Variants in CTNNA2 observed in about 807,000 individuals in gnomAD.
CTNNA2 encodes catenin alpha-2.
In CTNNA2, 42 loss-of-function variants were observed where a neutral mutation model predicts 101.0. The ratio of observed to expected loss-of-function variants is 0.42; its 90% CI spans 0.32 to 0.54. CTNNA2 has a LOEUF of 0.54. CTNNA2 is among the 20% of genes least tolerant of loss of function. The pLI is 0.14. For missense variants in CTNNA2, 871 were observed against 1,223.1 expected (o/e 0.71, Z 4.29); for synonymous variants, 450 against 456.4 (o/e 0.99, Z 0.18).
chr2:80,227,091 C>T (rs893618653), intron 7 of CTNNA2, among the ~76,000 whole-genome samples: 7 of 152,116 alleles, frequency 4.6e-5, no homozygotes, highest in Admixed American at 6.6e-5. Context: ...TAGGATGATA[C>T]GGAGTATTTG....
intron 7 of CTNNA2, among the ~76,000 whole-genome samples, chr2:80,250,202 AGAGTGTGTGTGTGTGT>A (rs1376206091): frequency 1.4e-5 from 2 of 142,190 alleles, no homozygotes; most frequent in Non-Finnish European, 3.0e-5. Flanking sequence ...AGAGAGAGAG[AGAGTGTGTGTGTGTGT>A]GTGTGTGTGT....
intron 1 of CTNNA2, among the ~76,000 whole-genome samples, chr2:79,539,126 G>C (rs1673250064): frequency 6.6e-6 from 1 of 152,274 alleles, no homozygotes; most frequent in African/African-American, 2.4e-5. Context: ...ACAGAGACCT[G>C]GGAGTCCAAG....
intron 3 of CTNNA2, among the ~76,000 whole-genome samples, chr2:79,841,265 C>CT: frequency 6.6e-6 from 1 of 152,224 alleles, no homozygotes; most frequent in Admixed American, 6.5e-5. Flanking sequence ...CTGAGTCCTA[C>CT]TTTTTTATTG....
intron 3 of CTNNA2, among the ~76,000 whole-genome samples, chr2:79,321,975 A>G (rs1676635150): frequency 6.6e-6 from 1 of 152,216 alleles, no homozygotes; most frequent in Non-Finnish European, 1.5e-5. Flanking sequence ...CTATGCCACT[A>G]CTGAGCATTT....
At chr2:79,621,235 A>G (rs1231352312) in intron 1 of CTNNA2, among the ~76,000 whole-genome samples, 3 of 152,172 alleles carry the variant, frequency 2.0e-5, no homozygotes, top group Non-Finnish European at 4.4e-5. Context: ...GTGCTCCCTT[A>G]GCTGAGAGGA....
At chr2:80,375,831 G>A (rs1223598022) in intron 7 of CTNNA2, among the ~76,000 whole-genome samples, 5 of 150,966 alleles carry the variant, frequency 3.3e-5, no homozygotes. Context: ...CCAAAGTGCT[G>A]GGATTACAGG....
At chr2:80,115,199 A>G (rs919535472) in intron 7 of CTNNA2, among the ~76,000 whole-genome samples, 1 of 152,162 alleles carries the variant, frequency 6.6e-6, no homozygotes, top group Non-Finnish European at 1.5e-5. Context: ...TACTGTTTCT[A>G]TTTCCATCAA....
chr2:79,252,583 AG>A (rs1433955669), intron 2 of CTNNA2, among the ~76,000 whole-genome samples: 1 of 151,892 alleles, frequency 6.6e-6, no homozygotes, highest in Non-Finnish European at 1.5e-5. Flanking sequence ...GAGTAATTCG[AG>A]CTTCATTTGT....
chr2:79,393,389 A>G (rs1328798864), intron 4 of CTNNA2, among the ~76,000 whole-genome samples: 1 of 152,186 alleles, frequency 6.6e-6, no homozygotes. Flanking sequence ...CTGCTTTTAT[A>G]CATAAAGTAT....
chr2:79,629,922 C>T (rs1051297283), intron 1 of CTNNA2, among the ~76,000 whole-genome samples: 1 of 152,126 alleles, frequency 6.6e-6, no homozygotes, highest in African/African-American at 2.4e-5. Context: ...TGCAAACCAA[C>T]AAATCCAAAG....
chr2:79,895,631 C>G (rs1320521494), intron 6 of CTNNA2, among the ~76,000 whole-genome samples: 2 of 151,172 alleles, frequency 1.3e-5, no homozygotes, highest in Admixed American at 1.3e-4. Context: ...AAAATTCAAC[C>G]ATTGATCATC....
chr2:79,676,645 G>T (rs747174179), intron 2 of CTNNA2, among the ~76,000 whole-genome samples: 17 of 152,028 alleles, frequency 1.1e-4, no homozygotes, highest in Admixed American at 3.3e-4. Context: ...ACTAGTGGAT[G>T]GCACAAGCAG....
Position 79,814,608 on chromosome 2 carries a change from T to TACACACACACACACAC in CTNNA2, c.299-43389_299-43374dup, listed in dbSNP as rs146240455. Among the ~76,000 whole-genome samples, 328 of 145,176 alleles carry TACACACACACACACAC rather than the reference T, an allele frequency of 2.3e-3. 1 individual carries two copies. The highest frequency in any genetic ancestry group is 8.3e-3 in the African/African-American group (316 of 38,014). On this transcript the variant is annotated intron_variant, in intron 3 of 18. Transcript: ENST00000402739. ...TAGTATTCCATTATATATGTGTGTATACACACACACACACACACACACACA... is the reference window on the plus strand; with the variant it reads ...TAGTATTCCATTATATATGTGTGTATACACACACACACACACACACACACACACACACACACACACA...
intron 7 of CTNNA2, chr2:80,313,607 G>GA (rs1295992907): frequency 1.2e-6 from 2 of 1,611,252 alleles, no homozygotes; most frequent in Admixed American, 1.7e-5. Context: ...CAAAGTCTGT[G>GA]AAAAAAATAT....
intron 7 of CTNNA2, among the ~76,000 whole-genome samples, chr2:80,091,479 G>T (rs1042457868): frequency 4.6e-5 from 7 of 152,116 alleles, no homozygotes; most frequent in African/African-American, 1.4e-4. Context: ...ACAGAGAAAG[G>T]TTGTAAAAAC....
At chr2:79,425,899 G>A (rs1378569086) in intron 4 of CTNNA2, among the ~76,000 whole-genome samples, 2 of 152,028 alleles carry the variant, frequency 1.3e-5, no homozygotes, top group African/African-American at 2.4e-5. Context: ...TAATCAAAAG[G>A]GTAGGTTTCT....
At chr2:80,007,030 T>C (rs1478467687) in intron 7 of CTNNA2, among the ~76,000 whole-genome samples, 2 of 152,206 alleles carry the variant, frequency 1.3e-5, no homozygotes, top group Admixed American at 1.3e-4. Context: ...ATCTGGTACT[T>C]TGTAATTCTC....
chr2:79,804,816 G>C (rs1272281934), intron 3 of CTNNA2, among the ~76,000 whole-genome samples: 1 of 152,142 alleles, frequency 6.6e-6, no homozygotes, highest in Non-Finnish European at 1.5e-5. Context: ...TTAATGGATG[G>C]CATAGAGAGA....
chr2:79,672,368 C>A (rs1682897771), intron 2 of CTNNA2, among the ~76,000 whole-genome samples: 1 of 152,058 alleles, frequency 6.6e-6, no homozygotes, highest in Non-Finnish European at 1.5e-5. Context: ...AACATTAAAG[C>A]AAATTTAATC....
Sources: gnomAD v4.1 joint callset for allele counts (sites outside exome capture counted in the v4.1 genomes callset) on GRCh38, gnomAD v4.1.1 for gene constraint, MANE v1.5 for transcripts, NCBI Gene and HGNC (gene_info 2026-07-23, HGNC 2026-07-21) for gene names.